GALNT18: variants seen among roughly 807,000 people sequenced by gnomAD.
GALNT18 encodes the protein GalNAc-transferase 18.
GALNT18 carries 44 observed loss-of-function variants against 69.5 expected under a neutral mutation model. The ratio of observed to expected loss-of-function variants is 0.63; its 90% CI spans 0.50 to 0.81. The LOEUF is 0.81. Among genes scored for constraint, GALNT18 ranks in the 40% least tolerant of loss-of-function variants. The pLI is 0.00. For missense variants in GALNT18, 715 were observed against 810.0 expected, an observed-to-expected ratio of 0.88 and a Z score of 1.42; for synonymous variants, 364 against 318.2, an observed-to-expected ratio of 1.14 and a Z score of -1.53.
intron 1 of GALNT18, among the ~76,000 whole-genome samples, chr11:11,460,634 G>A (rs1200591126): frequency 6.6e-6 from 1 of 152,152 alleles, no homozygotes; most frequent in Non-Finnish European, 1.5e-5. Context: ...GCCCTAGCTG[G>A]TGCAAAGCAG....
At chr11:11,531,082 A>T (rs1857636855) in intron 1 of GALNT18, among the ~76,000 whole-genome samples, 1 of 151,994 alleles carries the variant, frequency 6.6e-6, no homozygotes, top group East Asian at 1.9e-4. Context: ...CCTTCACTGT[A>T]CCTCTCCCTC....
chr11:11,306,032 T>C (rs748585627), intron 9 of GALNT18, among the ~76,000 whole-genome samples: 10 of 152,152 alleles, frequency 6.6e-5, no homozygotes, highest in South Asian at 4.2e-4. Context: ...GCCCAGTGGA[T>C]TAATGACTTG....
chr11:11,475,018 C>T (rs746088706), intron 1 of GALNT18, among the ~76,000 whole-genome samples: 1 of 152,170 alleles, frequency 6.6e-6, no homozygotes, highest in Non-Finnish European at 1.5e-5. Flanking sequence ...ACCCAGGCCT[C>T]CTGCCTAGCA....
At chr11:11,357,131 G>A (rs1589934271) in intron 6 of GALNT18, among the ~76,000 whole-genome samples, 4 of 152,048 alleles carry the variant, frequency 2.6e-5, no homozygotes, top group Admixed American at 2.6e-4. Context: ...ACCAGCTAGG[G>A]AACACCCTCA....
chr11:11,539,805 C>T (rs554300904), intron 1 of GALNT18, among the ~76,000 whole-genome samples: 1 of 152,316 alleles, frequency 6.6e-6, no homozygotes, highest in Non-Finnish European at 1.5e-5. Context: ...AAAACAAAAC[C>T]TTAGTACCAA....
At chr11:11,475,312 T>C (rs551714199) in intron 1 of GALNT18, 5 of 152,370 alleles carry the variant, frequency 3.3e-5, no homozygotes, top group African/African-American at 9.6e-5. Flanking sequence ...TAGAGGCTGT[T>C]AACATCTACT....
chr11:11,294,657 T>G (rs1261904470), intron 9 of GALNT18, among the ~76,000 whole-genome samples: 1 of 150,810 alleles, frequency 6.6e-6, no homozygotes, highest in Non-Finnish European at 1.5e-5. Flanking sequence ...CATTAACACA[T>G]CATTTACAAA....
In GALNT18 at chr11:11,592,552, G is replaced by A. The variant is rs2133930530; in HGVS notation, c.235+28807C>T. ...ACCCCCACACACAGCACACGCCCTG[G>A]GTCTGGCACAAGCTCAAAACAACTT... On this transcript the variant is annotated intron_variant, in intron 1 of 10. Coordinates refer to ENST00000227756, the MANE Select transcript of GALNT18 (RefSeq NM_198516.3). The surrounding 1 kb of genome is among the most constrained non-coding windows in gnomAD (Gnocchi z 5.9). 6.6e-6 allele frequency among the ~76,000 whole-genome samples: 1 copy of A among 152,160 alleles called. No homozygotes were observed. Among genetic ancestry groups the A allele is most frequent in the Non-Finnish European group, 1.5e-5 (1 of 67,988 alleles).
intron 1 of GALNT18, among the ~76,000 whole-genome samples, chr11:11,498,124 C>A (rs1856903788): frequency 6.6e-6 from 1 of 152,162 alleles, no homozygotes; most frequent in Non-Finnish European, 1.5e-5. Flanking sequence ...GTACATATGT[C>A]TTCTAATCTT....
chr11:11,308,162 T>A (rs564548762), intron 9 of GALNT18, among the ~76,000 whole-genome samples: 1 of 152,288 alleles, frequency 6.6e-6, no homozygotes, highest in East Asian at 1.9e-4. Context: ...CTTCAATGGT[T>A]CTATCTCCAT....
chr11:11,574,550 A>G (rs1047671582), intron 1 of GALNT18, among the ~76,000 whole-genome samples: 8 of 152,212 alleles, frequency 5.3e-5, no homozygotes, highest in African/African-American at 1.9e-4. Context: ...GCTTTCATCC[A>G]CTTAAAGGAA....
chr11:11,444,187 C>A lies in GALNT18; in HGVS notation c.428+4557G>T, dbSNP rs908367160. On this transcript the variant is annotated intron_variant, in intron 2 of 10. Transcript: ENST00000227756. This position sits in a 1 kb window ranked among gnomAD's most constrained non-coding sequence, Gnocchi z 4.4. ...CCCGCCTCCCTGCCACAGAGAGGTG[C>A]CTTGCAGATGCCACCCTCCAGGCCC... Among the ~76,000 whole-genome samples the A allele has an allele frequency of 2.0e-5, 3 of 151,668 alleles. No homozygotes were observed. The highest frequency in any genetic ancestry group is 7.3e-5 in the African/African-American group (3 of 41,262).
At chr11:11,287,166 A>T (rs144941571) in intron 10 of GALNT18, among the ~76,000 whole-genome samples, 2 of 152,324 alleles carry the variant, frequency 1.3e-5, no homozygotes, top group African/African-American at 4.8e-5. Flanking sequence ...CCCTTCAGAG[A>T]TCTGCAGGTA....
chr11:11,491,737 C>A (rs1014783172), intron 1 of GALNT18, among the ~76,000 whole-genome samples: 2 of 152,200 alleles, frequency 1.3e-5, no homozygotes, highest in Non-Finnish European at 2.9e-5. Context: ...AGGCCAGCAG[C>A]GAAGTGCTGG....
chr11:11,576,055 A>G (rs1256176857), intron 1 of GALNT18, among the ~76,000 whole-genome samples: 1 of 152,234 alleles, frequency 6.6e-6, no homozygotes, highest in African/African-American at 2.4e-5. Context: ...AGACAGAGCC[A>G]GGGTTTCAGG....
chr11:11,300,517 A>G (rs1564886592), intron 9 of GALNT18, among the ~76,000 whole-genome samples: 2 of 152,210 alleles, frequency 1.3e-5, no homozygotes, highest in Non-Finnish European at 2.9e-5. Context: ...CAGCCCAACA[A>G]GGAATTAAGA....
Position 11,358,557 on chromosome 11 carries a change from A to G in GALNT18, c.1092+13958T>C, listed in dbSNP as rs1335016482. Among the ~76,000 whole-genome samples the G allele has an allele frequency of 2.1e-5, 3 of 140,542 alleles. 1 individual carries two copies. Among genetic ancestry groups the G allele is most frequent in the Non-Finnish European group, 4.8e-5 (3 of 62,924 alleles). The allele number at this position is 140,542 out of a possible 152,430, so 92.2% of individuals were successfully genotyped here. On this transcript the variant is annotated intron_variant, in intron 6 of 10. Coordinates refer to ENST00000227756, the MANE Select transcript of GALNT18 (RefSeq NM_198516.3). Reference sequence around the variant, plus strand: ...AAATCCAAAACAATTCTAAGGGAACAGATGGACAATGACTCAGCTAAGGCT... The same window carrying G: ...AAATCCAAAACAATTCTAAGGGAACGGATGGACAATGACTCAGCTAAGGCT...
chr11:11,273,390 G>A (rs567880705), intron 10 of GALNT18, among the ~76,000 whole-genome samples: 254 of 152,226 alleles, frequency 1.7e-3, no homozygotes, highest in African/African-American at 5.2e-3. Flanking sequence ...ATGGGCAAAA[G>A]ATCTGAACAG....
At position 11,591,964 on chromosome 11, in the gene GALNT18, T is replaced by C. The variant is rs534205712; in HGVS notation, c.235+29395A>G. On this transcript the variant is annotated intron_variant, in intron 1 of 10. Transcript: ENST00000227756. This position sits in a 1 kb window ranked among gnomAD's most constrained non-coding sequence, Gnocchi z 4.8. Reference sequence around the variant, plus strand: ...TGCTGACTGAGTGACCTCAGATACATGATTTAATGTTTCTGTGCCTCAATT... The same window carrying C: ...TGCTGACTGAGTGACCTCAGATACACGATTTAATGTTTCTGTGCCTCAATT... 3.3e-5 allele frequency among the ~76,000 whole-genome samples: 5 copies of C among 152,324 alleles called. No individual in the cohort carries two copies. In the East Asian group the frequency reaches 9.6e-4, roughly 29 times the overall value.
Sources: gnomAD v4.1 joint callset for allele counts (sites outside exome capture counted in the v4.1 genomes callset) on GRCh38, gnomAD v4.1.1 for gene constraint, Gnocchi (gnomAD v3.1) non-coding constraint, MANE v1.5 for transcripts, NCBI Gene and HGNC (gene_info 2026-07-23, HGNC 2026-07-21) for gene names.